The following PRKN variants were observed in gnomAD, a reference collection of about 807,000 sequenced individuals.
The protein encoded by PRKN is E3 ubiquitin-protein ligase parkin.
A neutral mutation model predicts 59.5 loss-of-function variants in PRKN; 56 were observed. That is an observed-to-expected ratio of 0.94 (90% CI 0.76 to 1.18). The LOEUF (loss-of-function observed/expected upper bound fraction) is 1.18, where lower values mean the gene tolerates loss of function less well. Ranked by LOEUF, PRKN falls within the 50% of genes most tolerant of loss-of-function variation. The pLI is 0.00. For synonymous variants in PRKN, 250 were observed against 222.1 expected (o/e 1.13, Z -1.12); for missense variants, 657 against 596.4 (o/e 1.10, Z -1.06).
chr6:162,579,622 CAT>C (rs1260442502), intron 1 of PRKN, among the ~76,000 whole-genome samples: 31 of 144,660 alleles, frequency 2.1e-4, no homozygotes, highest in Admixed American at 1.5e-3. Flanking sequence ...CAGATACACA[CAT>C]ACACACAAAT....
chr6:161,409,961 C>T lies in PRKN; in HGVS notation c.1084-23084G>A, dbSNP rs1452263587. 1.3e-5 allele frequency among the ~76,000 whole-genome samples: 2 copies of T among 152,148 alleles called. No homozygotes were observed. Among genetic ancestry groups the T allele is most frequent in the Non-Finnish European group, 2.9e-5 (2 of 68,036 alleles). ...AAAATATTTCAGGGAGTATTTGAAA[C>T]AGGAAGATTAAATTCTGTCTCATGT... is the stretch of plus-strand genomic sequence containing the variant. On this transcript the variant is annotated intron_variant, in intron 9 of 11. Coordinates refer to ENST00000366898, the MANE Select transcript of PRKN (RefSeq NM_004562.3). The surrounding 1 kb of genome is among the most constrained non-coding windows in gnomAD (Gnocchi z 4.6).
intron 9 of PRKN, among the ~76,000 whole-genome samples, chr6:161,500,878 T>TTC (rs1332001560): frequency 1.4e-5 from 2 of 143,030 alleles, no homozygotes; most frequent in Non-Finnish European, 3.1e-5. Flanking sequence ...TTTTTTTTCT[T>TTC]TTTTTTTTTT....
chr6:162,410,211 T>C, intron 2 of PRKN, among the ~76,000 whole-genome samples: 1 of 152,104 alleles, frequency 6.6e-6, no homozygotes, highest in African/African-American at 2.4e-5. Context: ...AATCTTTTTT[T>C]TTTTCCAGCT....
At position 161,444,696 on chromosome 6, in the gene PRKN, G is replaced by A. The variant is rs1265370758; in HGVS notation, c.1084-57819C>T. On this transcript the variant is annotated intron_variant, in intron 9 of 11. Transcript: ENST00000366898. This position sits in a 1 kb window ranked among gnomAD's most constrained non-coding sequence, Gnocchi z 5.6. The stretch of plus-strand genomic sequence containing the variant: ...TCCTGAGTAACAGCGAGCTTTGCAC[G>A]AGCGCTACCGCGTGGCGGTGGAAAC... Among the ~76,000 whole-genome samples, 9 of 152,220 alleles carry A rather than the reference G, an allele frequency of 5.9e-5. No individual in the cohort carries two copies. Among genetic ancestry groups the A allele is most frequent in the Non-Finnish European group, 1.0e-4 (7 of 68,040 alleles).
rs568583001 is a variant in PRKN, at chr6:162,545,039, C to A, written c.8-101566G>T. ...TGGTGGCTCACACCTGTAATCCCAGCACTTTGGGAGGCTGAGGTGGACGAA... is the reference window on the plus strand; with the variant it reads ...TGGTGGCTCACACCTGTAATCCCAGAACTTTGGGAGGCTGAGGTGGACGAA... On this transcript the variant is annotated intron_variant, in intron 1 of 11. Transcript: ENST00000366898. 1.4e-4 allele frequency among the ~76,000 whole-genome samples: 21 copies of A among 151,000 alleles called. No homozygotes were observed. In the South Asian group the frequency reaches 4.3e-3, roughly 31 times the overall value.
At chr6:161,568,008 T>C (rs891686321) in intron 8 of PRKN, among the ~76,000 whole-genome samples, 2 of 152,320 alleles carry the variant, frequency 1.3e-5, no homozygotes, top group Middle Eastern at 3.4e-3. Context: ...TCACTTGTAT[T>C]TGAATATACA....
At chr6:161,375,689 C>T (rs1785666011) in intron 10 of PRKN, among the ~76,000 whole-genome samples, 1 of 152,204 alleles carries the variant, frequency 6.6e-6, no homozygotes, top group Non-Finnish European at 1.5e-5. Context: ...CTTTGACGAC[C>T]TGCCAAGGGC....
chr6:162,145,887 A>T (rs554703830), intron 4 of PRKN, among the ~76,000 whole-genome samples: 1 of 152,362 alleles, frequency 6.6e-6, no homozygotes, highest in South Asian at 2.1e-4. Context: ...TTCTATGCAA[A>T]TGAAGACTTG....
At chr6:162,697,974 T>C (rs1257799302) in intron 1 of PRKN, among the ~76,000 whole-genome samples, 1 of 152,176 alleles carries the variant, frequency 6.6e-6, no homozygotes, top group Non-Finnish European at 1.5e-5. Context: ...AATGACAGAA[T>C]ATACACCACA....
At chr6:162,506,008 G>A (rs560497966) in intron 1 of PRKN, among the ~76,000 whole-genome samples, 6 of 152,256 alleles carry the variant, frequency 3.9e-5, no homozygotes, top group Admixed American at 1.3e-4. Flanking sequence ...AGCAAAGGAA[G>A]GGAGCTTTAA....
In PRKN at chr6:161,359,074, G is replaced by A. The variant is rs1440755615; in HGVS notation, c.1285+1014C>T. Among the ~76,000 whole-genome samples, 1 of 152,094 alleles carries A rather than the reference G, an allele frequency of 6.6e-6. No individual in the cohort carries two copies. The highest frequency in any genetic ancestry group is 2.4e-5 in the African/African-American group (1 of 41,412). The stretch of plus-strand genomic sequence containing the variant: ...CTCCCAAAGTGCTGGGATTACAGGC[G>A]TGAGCCACCGCGCCCGGCCGCCTTC... On this transcript the variant is annotated intron_variant, in intron 11 of 11. Transcript: ENST00000366898. The surrounding 1 kb of genome is among the most constrained non-coding windows in gnomAD (Gnocchi z 5.4).
At chr6:161,872,439 G>A (rs556046084) in intron 6 of PRKN, among the ~76,000 whole-genome samples, 1 of 152,244 alleles carries the variant, frequency 6.6e-6, no homozygotes, top group East Asian at 1.9e-4. Context: ...ATTGCATCAA[G>A]TATCCAATCT....
At chr6:162,076,984 C>T (rs540090246) in intron 4 of PRKN, among the ~76,000 whole-genome samples, 2 of 152,054 alleles carry the variant, frequency 1.3e-5, no homozygotes, top group African/African-American at 4.8e-5. Flanking sequence ...CTCACTCATC[C>T]ACAACGCCGT....
At chr6:162,405,397 C>T (rs887109751) in intron 2 of PRKN, among the ~76,000 whole-genome samples, 1 of 152,146 alleles carries the variant, frequency 6.6e-6, no homozygotes, top group Non-Finnish European at 1.5e-5. Context: ...GAATTCAATG[C>T]ACAGTAAATA....
intron 7 of PRKN, among the ~76,000 whole-genome samples, chr6:161,777,665 A>T (rs1244538455): frequency 5.6e-5 from 7 of 124,414 alleles, no homozygotes; most frequent in Non-Finnish European, 5.1e-5. Flanking sequence ...TATATTATAT[A>T]TATGAGAATA....
intron 2 of PRKN, among the ~76,000 whole-genome samples, chr6:162,386,245 T>C (rs1786800874): frequency 1.3e-5 from 2 of 152,182 alleles, no homozygotes; most frequent in Admixed American, 1.3e-4. Context: ...AGGTAATACA[T>C]TTGATAATTT....
chr6:162,362,531 T>A (rs1785197043), intron 2 of PRKN, among the ~76,000 whole-genome samples: 1 of 152,282 alleles, frequency 6.6e-6, no homozygotes, highest in East Asian at 1.9e-4. Context: ...TTGAATAATA[T>A]TAAAAATAAA....
intron 6 of PRKN, among the ~76,000 whole-genome samples, chr6:161,835,369 C>T (rs942824500): frequency 3.9e-5 from 6 of 152,102 alleles, no homozygotes; most frequent in African/African-American, 1.4e-4. Context: ...CCCCACTCCA[C>T]ACCCCCTGGG....
At chr6:161,839,612 T>C (rs754481155) in intron 6 of PRKN, among the ~76,000 whole-genome samples, 66 of 152,162 alleles carry the variant, frequency 4.3e-4, no homozygotes, top group Non-Finnish European at 7.8e-4. Context: ...AGATCCCTCG[T>C]CTGCAAAGCT....
Sources: allele counts gnomAD v4.1 joint callset (sites outside exome capture counted in the v4.1 genomes callset), GRCh38; gene constraint gnomAD v4.1.1; non-coding constraint Gnocchi (gnomAD v3.1); transcripts MANE v1.5; gene names NCBI Gene and HGNC (gene_info 2026-07-23, HGNC 2026-07-21).